The following TMTC3 variants were observed in gnomAD, a reference collection of about 807,000 sequenced individuals.
TMTC3 encodes the protein transmembrane O-mannosyltransferase targeting cadherins 3, also known as protein O-mannosyl-transferase TMTC3.
Under a neutral mutation model 92.2 loss-of-function variants are expected in TMTC3, and 52 were observed. The ratio of observed to expected loss-of-function variants is 0.56; its 90% CI spans 0.45 to 0.71. The LOEUF (loss-of-function observed/expected upper bound fraction) is 0.71, where lower values mean the gene tolerates loss of function less well. Ranked by LOEUF, TMTC3 falls within the 30% of genes least tolerant of loss-of-function variation. The probability of loss-of-function intolerance (pLI) is 0.00; values close to 1 mark genes in which losing one functional copy is unlikely to be tolerated. For synonymous variants in TMTC3, 339 were observed against 363.3 expected (o/e 0.93, Z 0.76); for missense variants, 896 against 1,057.1 (o/e 0.85, Z 2.11).
At chr12:88,150,992 T>C (rs1218384349) in intron 2 of TMTC3, among the ~76,000 whole-genome samples, 8 of 152,162 alleles carry the variant, frequency 5.3e-5, no homozygotes, top group Non-Finnish European at 7.4e-5. Flanking sequence ...TGATAATTCA[T>C]TGGATCTCAA....
intron 8 of TMTC3, 111 bp downstream of exon 8, chr12:88,172,856 T>A: frequency 6.7e-7 from 1 of 1,481,688 alleles, no homozygotes; most frequent in Non-Finnish European, 9.0e-7. Flanking sequence ...TATCTTTTGG[T>A]TTTTCATCTC....
At chr12:88,160,606 G>C in intron 5 of TMTC3, 73 bp from the exon 6 acceptor site, 1 of 1,296,340 alleles carries the variant, frequency 7.7e-7, no homozygotes, top group South Asian at 1.3e-5. Context: ...CTTGCAATTA[G>C]AAAGTACTAC....
Position 88,192,728 on chromosome 12 carries a change from A to G in TMTC3, c.1831A>G (p.Lys611Glu), listed in dbSNP as rs777871373. 1 of 1,613,560 alleles carries G rather than the reference A, an allele frequency of 6.2e-7. No individual in the cohort carries two copies. The highest frequency in any genetic ancestry group is 8.5e-7 in the Non-Finnish European group (1 of 1,179,684). ...CTTGGCAATTGTACATATTGAACTT[A>G]AAGAACCAAATGAAGCCCTAAAAAA... ...YNLAIVHIEL[K>E]EPNEALKNFN... Residue 611 changes from lysine (K) to glutamate (E), a missense_variant, in exon 13 of 14, where the codon AAA becomes GAA. Physicochemically the swap from Lys to Glu is moderately conservative, Grantham distance 56. Coordinates refer to ENST00000266712, the MANE Select transcript of TMTC3 (RefSeq NM_181783.4).
chr12:88,160,680 A>G lies in TMTC3; in HGVS notation c.626A>G (p.Tyr209Cys), dbSNP rs759353942. ...CVYEVFIAQG[Y>C]TLPLLCTTAG... Reference sequence around the variant, plus strand: ...TAAAACATTTCTTTTCTTTTTCAGTATACTTTGCCATTACTATGTACTACT... The same window carrying G: ...TAAAACATTTCTTTTCTTTTTCAGTGTACTTTGCCATTACTATGTACTACT... Residue 209 changes from tyrosine (Y) to cysteine (C), a missense_variant and splice_region_variant, in exon 6 of 14, where the codon TAT becomes TGT. Transcript: ENST00000266712. 3.7e-6 allele frequency: 6 copies of G among 1,611,890 alleles called. No individual in the cohort carries two copies. The highest frequency in any genetic ancestry group is 1.3e-5 in the African/African-American group (1 of 74,836).
Position 88,194,967 on chromosome 12 carries a change from A to C in TMTC3, c.2063A>C (p.Glu688Ala). 6.2e-7 allele frequency: 1 copy of C among 1,613,868 alleles called. No homozygotes were observed. Among genetic ancestry groups the C allele is most frequent in the Non-Finnish European group, 8.5e-7 (1 of 1,179,922 alleles). Residue 688 changes from glutamate (E) to alanine (A), a missense_variant, in exon 14 of 14, where the codon GAG (glutamate) becomes GCG (alanine). Physicochemically the swap from Glu to Ala is moderately radical, Grantham distance 107. Coordinates refer to ENST00000266712, the MANE Select transcript of TMTC3 (RefSeq NM_181783.4). ...AMDDKKDNEAEIWMKKAIKLQ... is the reference protein window; with the variant it reads ...AMDDKKDNEAAIWMKKAIKLQ... ...GATGACAAAAAGGACAATGAAGCAG[A>C]GATTTGGATGAAGAAAGCCATAAAG...
At chr12:88,192,524 G>T in intron 12 of TMTC3, 80 bp from the exon 13 acceptor site, 8 of 1,019,936 alleles carry the variant, frequency 7.8e-6, no homozygotes, top group Non-Finnish European at 1.2e-5. Flanking sequence ...ATGTGGAAAG[G>T]CTTAAAACTT....
chr12:88,158,986 A>T (rs2041042726), intron 4 of TMTC3, among the ~76,000 whole-genome samples: 2 of 147,684 alleles, frequency 1.4e-5, no homozygotes, highest in South Asian at 4.6e-4. Context: ...TGGGAGGCAG[A>T]GGTTGCAGTG....
chr12:88,146,349 AAT>A (rs1448650037), intron 1 of TMTC3, among the ~76,000 whole-genome samples: 8 of 152,062 alleles, frequency 5.3e-5, no homozygotes, highest in African/African-American at 1.4e-4. Context: ...ATACGCACTA[AAT>A]AGAGCCTTAT....
chr12:88,150,368 C>A, intron 2 of TMTC3, among the ~76,000 whole-genome samples: 1 of 152,148 alleles, frequency 6.6e-6, no homozygotes, highest in Admixed American at 6.5e-5. Flanking sequence ...ATAATCCAAT[C>A]ATTTCCCACC....
chr12:88,166,280 C>T lies in TMTC3; in HGVS notation c.798-50C>T, dbSNP rs1592733529. On this transcript the variant is annotated intron_variant, in intron 6 of 13. Transcript: ENST00000266712. The stretch of plus-strand genomic sequence containing the variant: ...TAGTGTTTTACTTATGTAAATAATT[C>T]TGTACTTTAAAAGTTTTATTTGTAA... 2.0e-6 allele frequency: 3 copies of T among 1,526,552 alleles called. No individual in the cohort carries two copies. The East Asian group carries it at 7.0e-5, about 35-fold the overall frequency. The allele number at this position is 1,526,552 out of a possible 1,614,324, so 94.6% of individuals were successfully genotyped here. A position where few individuals can be genotyped will look rare whatever the true frequency, so the allele number is the denominator to read the frequency against.
At chr12:88,153,728 CAT>C (rs984054366) in intron 3 of TMTC3, among the ~76,000 whole-genome samples, 1 of 151,816 alleles carries the variant, frequency 6.6e-6, no homozygotes. Context: ...ATTTTTGAAA[CAT>C]AAACATTTTT....
chr12:88,164,777 C>T (rs11104746), intron 6 of TMTC3, among the ~76,000 whole-genome samples: 8,909 of 152,178 alleles, frequency 0.059, 325 homozygotes, highest in Non-Finnish European at 0.088. Flanking sequence ...GCATTGCTGG[C>T]GCTGGGTAGA....
chr12:88,164,837 A>C (rs2041125723), intron 6 of TMTC3, among the ~76,000 whole-genome samples: 1 of 152,312 alleles, frequency 6.6e-6, no homozygotes, highest in African/African-American at 2.4e-5. Context: ...TGATATTTTC[A>C]CATAACTATC....
At chr12:88,175,343 G>A (rs998089919) in intron 9 of TMTC3, among the ~76,000 whole-genome samples, 3 of 152,096 alleles carry the variant, frequency 2.0e-5, no homozygotes, top group Admixed American at 6.6e-5. Flanking sequence ...AAGGTTATCC[G>A]CAAAGATTTT....
chr12:88,160,281 G>A (rs1234811113), intron 5 of TMTC3, 52 bp downstream of exon 5: 3 of 1,041,318 alleles, frequency 2.9e-6, no homozygotes, highest in South Asian at 4.4e-5. Flanking sequence ...TTTTATCCTA[G>A]TTGAATCAAA....
At chr12:88,144,268 T>C (rs1373149039) in intron 1 of TMTC3, among the ~76,000 whole-genome samples, 1 of 152,038 alleles carries the variant, frequency 6.6e-6, no homozygotes. Flanking sequence ...CAAGATGGAG[T>C]TGTTGTGATT....
intron 1 of TMTC3, among the ~76,000 whole-genome samples, chr12:88,147,459 A>G (rs2040889379): frequency 6.6e-6 from 1 of 152,172 alleles, no homozygotes; most frequent in African/African-American, 2.4e-5. Flanking sequence ...CTAAATTACA[A>G]CATGTATATA....
rs1784441141 is a variant in TMTC3, at chr12:88,196,701, ATATT to A, written c.*1058_*1061del. 1 of 151,896 alleles carries A rather than the reference ATATT, an allele frequency of 6.6e-6. No homozygotes were observed. The highest frequency in any genetic ancestry group is 2.4e-5 in the African/African-American group (1 of 41,454). The allele number at this position is 151,896 out of a possible 1,614,324, so 9.4% of individuals were successfully genotyped here. A position where few individuals can be genotyped will look rare whatever the true frequency, so the allele number is the denominator to read the frequency against. The stretch of plus-strand genomic sequence containing the variant: ...TTGTTATGGTATATCTTTTTATTAA[ATATT>A]TATTTTGACTAAGCTTTCATAAAAT... On this transcript the variant is annotated 3_prime_UTR_variant, in exon 14 of 14. Coordinates refer to ENST00000266712, the MANE Select transcript of TMTC3 (RefSeq NM_181783.4).
In TMTC3 at chr12:88,176,129, G is replaced by A. The variant is rs531053785; in HGVS notation, c.1321-79G>A. The A allele has an allele frequency of 8.7e-6, 8 of 921,496 alleles. No individual in the cohort carries two copies. The Admixed American group carries it at 1.0e-4, about 12-fold the overall frequency. 57.1% of individuals were successfully genotyped at this position (921,496 alleles called of 1,614,324 possible). On this transcript the variant is annotated intron_variant, in intron 9 of 13. Coordinates refer to ENST00000266712, the MANE Select transcript of TMTC3 (RefSeq NM_181783.4). The stretch of plus-strand genomic sequence containing the variant: ...TCCATAGAACATTATTTTCTTAATA[G>A]TATACCAAACAAATATCTGTATGAA...
Sources: gnomAD v4.1 joint callset for allele counts (sites outside exome capture counted in the v4.1 genomes callset) on GRCh38, gnomAD v4.1.1 for gene constraint, MANE v1.5 for transcripts, NCBI Gene and HGNC (gene_info 2026-07-23, HGNC 2026-07-21) for gene names.